The following CHD4 variants were observed in gnomAD, a reference collection of about 807,000 sequenced individuals.
CHD4 encodes the protein chromodomain helicase DNA binding protein 4.
A neutral mutation model predicts 235.5 loss-of-function variants in CHD4; 35 were observed. The ratio of observed to expected loss-of-function variants is 0.15; its 90% CI spans 0.11 to 0.20. The LOEUF (loss-of-function observed/expected upper bound fraction) is 0.20. Ranked by LOEUF, CHD4 falls within the 10% of genes least tolerant of loss-of-function variation. CHD4 has a pLI of 1.00. For missense variants in CHD4, 1,329 were observed against 2,432.3 expected, an observed-to-expected ratio of 0.55 and a Z score of 9.54; for synonymous variants, 900 against 850.2, an observed-to-expected ratio of 1.06 and a Z score of -1.02.
intron 37 of CHD4, among the ~76,000 whole-genome samples, chr12:6,573,574 G>A (rs1204861451): frequency 6.6e-6 from 1 of 152,062 alleles, no homozygotes; most frequent in African/African-American, 2.4e-5. Flanking sequence ...CCACCTTCTA[G>A]AAATACATCC....
At chr12:6,579,802 A>G (rs553533320) in intron 33 of CHD4, among the ~76,000 whole-genome samples, 8 of 150,886 alleles carry the variant, frequency 5.3e-5, no homozygotes, top group Non-Finnish European at 1.0e-4. Flanking sequence ...CACGCCTGTA[A>G]TCCCCGCACT....
chr12:6,576,721 C>T (rs1413818136), intron 37 of CHD4, among the ~76,000 whole-genome samples: 9 of 152,084 alleles, frequency 5.9e-5, no homozygotes. Context: ...TTCTGGAGAA[C>T]TTTCTTATGC....
chr12:6,576,851 C>T (rs1258360127), intron 37 of CHD4, among the ~76,000 whole-genome samples: 1 of 152,146 alleles, frequency 6.6e-6, no homozygotes, highest in African/African-American at 2.4e-5. Flanking sequence ...TATCCCTGGG[C>T]ACATCATTGC....
At chr12:6,580,756 C>A in intron 33 of CHD4, 1 of 288,366 alleles carries the variant, frequency 3.5e-6, no homozygotes, top group Non-Finnish European at 6.3e-6. Flanking sequence ...TGCCTGTAAT[C>A]CCAGCAATCT....
At position 6,600,730 on chromosome 12, in the gene CHD4, G is replaced by A. The variant is rs182457626; in HGVS notation, c.928-61C>T. ...AGCCAAGGGGAAGGACAGAGTGGCA[G>A]AGAGGGGAGTACTCTCTCACTGGGG... On this transcript the variant is annotated intron_variant, in intron 7 of 39. Coordinates refer to ENST00000544040, the MANE Select transcript of CHD4 (RefSeq NM_001273.5). The A allele has an allele frequency of 7.7e-4, 1,234 of 1,595,262 alleles. 11 individuals are homozygous for A. The highest frequency in any genetic ancestry group is 4.7e-4 in the East Asian group (21 of 44,744).
chr12:6,590,749 G>T (rs1948380868), intron 22 of CHD4, among the ~76,000 whole-genome samples: 1 of 151,994 alleles, frequency 6.6e-6, no homozygotes, highest in Non-Finnish European at 1.5e-5. Context: ...TGAGCCTGGG[G>T]GTGTGTCCAG....
intron 26 of CHD4, 28 bp from the exon 27 acceptor site, chr12:6,583,141 G>T: frequency 7.0e-7 from 1 of 1,433,472 alleles, no homozygotes; most frequent in Non-Finnish European, 9.4e-7. Context: ...AGATGAGCGG[G>T]GCCCACTGCT....
In CHD4 at chr12:6,595,993, C is replaced by T; in HGVS notation, c.2024+13G>A. On this transcript the variant is annotated intron_variant, in intron 13 of 39. Transcript: ENST00000544040. ...AAAAGAAACAACTCTATGCCTCACC[C>T]AAAATCACTCACCTGTGATTCCAAT... The T allele has an allele frequency of 1.2e-6, 2 of 1,603,530 alleles. No individual in the cohort carries two copies. Among genetic ancestry groups the T allele is most frequent in the African/African-American group, 2.7e-5 (2 of 74,200 alleles).
chr12:6,573,852 C>T (rs1056501031), intron 37 of CHD4, among the ~76,000 whole-genome samples: 10 of 152,034 alleles, frequency 6.6e-5, no homozygotes, highest in South Asian at 4.2e-4. Context: ...GACAAAACCC[C>T]GTCTCTACTA....
Position 6,600,588 on chromosome 12 carries a change from T to C in CHD4, c.1009A>G (p.Ser337Gly). The C allele has an allele frequency of 1.9e-6, 3 of 1,614,180 alleles. No homozygotes were observed. The highest frequency in any genetic ancestry group is 2.5e-6 in the Non-Finnish European group (3 of 1,180,048). The change falls in exon 8 of 40, where the codon AGC becomes GGC. Residue 337 changes from serine (S) to glycine (G), a missense_variant. Physicochemically the swap from Ser to Gly is moderately conservative, Grantham distance 56. This residue lies in a region of CHD4 where 160 missense variants were observed against 196.6 expected (regional missense o/e 0.81). Transcript: ENST00000544040. ...TTCTTGCGGCTGCGGCTACTACGGC[T>C]GGTGGAACCATCAGAAACAGAATAG... ...NSYSVSDGSTSRSSRSRKKLR... is the reference protein window; with the variant it reads ...NSYSVSDGSTGRSSRSRKKLR...
At chr12:6,577,292 G>A (rs1422071510) in intron 37 of CHD4, among the ~76,000 whole-genome samples, 2 of 151,980 alleles carry the variant, frequency 1.3e-5, no homozygotes, top group Admixed American at 6.6e-5. Flanking sequence ...TGTGGTGGCA[G>A]GCGCCTGTAA....
intron 9 of CHD4, 35 bp from the exon 10 acceptor site, chr12:6,600,047 C>T (rs757968523): frequency 2.5e-6 from 4 of 1,604,454 alleles, no homozygotes; most frequent in South Asian, 2.2e-5. Flanking sequence ...GATTATTACC[C>T]CCACCCGCCC....
rs563445783 is a variant in CHD4 at position 6,579,758 on chromosome 12, A to G, written c.4910-841T>C. On this transcript the variant is annotated intron_variant, in intron 33 of 39. Coordinates refer to ENST00000544040, the MANE Select transcript of CHD4 (RefSeq NM_001273.5). The stretch of plus-strand genomic sequence containing the variant: ...AGAGTAAGACTCCGTCTCAAAAAAA[A>G]AAAAAAAAAAAATTTTGGCCAGGCG... 3.1e-4 allele frequency among the ~76,000 whole-genome samples: 45 copies of G among 146,756 alleles called. 1 individual carries two copies. Among genetic ancestry groups the G allele is most frequent in the African/African-American group, 1.1e-3 (42 of 39,716 alleles).
chr12:6,572,478 C>T (rs927856290), intron 38 of CHD4, among the ~76,000 whole-genome samples: 7 of 151,712 alleles, frequency 4.6e-5, no homozygotes, highest in African/African-American at 1.7e-4. Flanking sequence ...TATTTGTAGT[C>T]CCAGCTACTC....
At chr12:6,597,327 G>C (rs181976036) in intron 12 of CHD4, among the ~76,000 whole-genome samples, 1 of 151,940 alleles carries the variant, frequency 6.6e-6, no homozygotes, top group Non-Finnish European at 1.5e-5. Flanking sequence ...AGTGTCAGGC[G>C]CAGTAGCTCA....
chr12:6,583,504 T>A, intron 25 of CHD4, 126 bp from the exon 26 acceptor site: 1 of 784,398 alleles, frequency 1.3e-6, no homozygotes, highest in Non-Finnish European at 2.0e-6. Flanking sequence ...TTGGTGTGCC[T>A]GTTTGGACCT....
intron 1 of CHD4, chr12:6,606,991 C>A (rs1355903870): frequency 9.5e-6 from 1 of 105,450 alleles, no homozygotes; most frequent in African/African-American, 3.8e-5. Flanking sequence ...AGCGTCCCAC[C>A]GGGAAGGGGG....
chr12:6,586,968 G>A (rs1432633102), intron 25 of CHD4: 1 of 159,614 alleles, frequency 6.3e-6, no homozygotes, highest in Admixed American at 6.3e-5. Flanking sequence ...AAAGTGCTGG[G>A]ATTACAGATG....
chr12:6,590,410 G>C (rs535519630), intron 22 of CHD4, among the ~76,000 whole-genome samples: 1 of 152,124 alleles, frequency 6.6e-6, no homozygotes, highest in Non-Finnish European at 1.5e-5. Context: ...CTGCAGTTAC[G>C]TAAGTTATTA....
Sources: gnomAD v4.1 joint callset for allele counts (sites outside exome capture counted in the v4.1 genomes callset) on GRCh38, gnomAD v4.1.1 for gene constraint, gnomAD v4.1.1 regional missense constraint, MANE v1.5 for transcripts, NCBI Gene and HGNC (gene_info 2026-07-23, HGNC 2026-07-21) for gene names.